Variants in ELFN1 observed in about 807,000 individuals in gnomAD.
ELFN1 encodes protein ELFN1.
In ELFN1, 6 loss-of-function variants were observed where a neutral mutation model predicts 7.6. The ratio of observed to expected loss-of-function variants is 0.79; its 90% CI spans 0.43 to 1.56. ELFN1 has a LOEUF of 1.56. ELFN1 is among the 40% of genes most tolerant of loss of function. ELFN1 has a pLI of 0.01. For synonymous variants in ELFN1, 657 were observed against 588.1 expected (o/e 1.12, Z -1.70); for missense variants, 1,169 against 1,232.2 (o/e 0.95, Z 0.77).
At chr7:1,691,938 G>T (rs952036571) in intron 2 of ELFN1, 5 of 152,290 alleles carry the variant, frequency 3.3e-5, no homozygotes, top group Admixed American at 1.3e-4. Flanking sequence ...GGCCGATTCT[G>T]CATTCCTGAC....
At chr7:1,729,431 G>A (rs1217064814) in intron 3 of ELFN1, among the ~76,000 whole-genome samples, 3 of 152,170 alleles carry the variant, frequency 2.0e-5, no homozygotes, top group African/African-American at 7.2e-5. Context: ...CCAGTGCCAT[G>A]GCCCTAGCCT....
Position 1,744,467 on chromosome 7 carries a change from G to T in ELFN1, c.-130G>T. 1 of 1,119,682 alleles carries T rather than the reference G, an allele frequency of 8.9e-7. No individual in the cohort carries two copies. The highest frequency in any genetic ancestry group is 1.2e-6 in the Non-Finnish European group (1 of 826,316). 69.4% of individuals were successfully genotyped at this position (1,119,682 alleles called of 1,614,324 possible). A position where few individuals can be genotyped will look rare whatever the true frequency, so the allele number is the denominator to read the frequency against. ...CTTACGTCGCGCGGCCATGCGGTTT[G>T]GGACAGGACACCCCTGAGAGTGCAG... On this transcript the variant is annotated 5_prime_UTR_variant, in exon 4 of 4. Transcript: ENST00000424383.
chr7:1,722,671 T>C (rs917228064), intron 3 of ELFN1, among the ~76,000 whole-genome samples: 2 of 152,194 alleles, frequency 1.3e-5, no homozygotes, highest in African/African-American at 4.8e-5. Context: ...AGCTTAGTTT[T>C]ATATGGCAGC....
At chr7:1,724,368 C>A (rs1002885054) in intron 3 of ELFN1, among the ~76,000 whole-genome samples, 1 of 152,140 alleles carries the variant, frequency 6.6e-6, no homozygotes, top group East Asian at 1.9e-4. Context: ...ACCGTGTTTA[C>A]CCTTGAACTT....
chr7:1,741,936 CCCTGTGTACACA>C (rs1452956099), intron 3 of ELFN1, among the ~76,000 whole-genome samples: 4 of 152,124 alleles, frequency 2.6e-5, no homozygotes, highest in African/African-American at 9.7e-5. Context: ...CAATCACCTG[CCCTGTGTACACA>C]CCTGTGCACA....
At chr7:1,713,512 G>T (rs1215536891) in intron 3 of ELFN1, among the ~76,000 whole-genome samples, 1 of 152,154 alleles carries the variant, frequency 6.6e-6, no homozygotes, top group African/African-American at 2.4e-5. Context: ...TTCAAGGCCT[G>T]GTCCCTAGAA....
chr7:1,742,186 T>G (rs1423401420), intron 3 of ELFN1: 1 of 152,350 alleles, frequency 6.6e-6, no homozygotes, highest in African/African-American at 2.4e-5. Flanking sequence ...GTGAGGGCTC[T>G]TAGGCCCTGT....
intron 2 of ELFN1, chr7:1,692,584 A>G (rs957734037): frequency 6.6e-6 from 1 of 152,382 alleles, no homozygotes; most frequent in Non-Finnish European, 1.5e-5. Context: ...AACATGGAAA[A>G]TTGCCTTCGT....
intron 3 of ELFN1, among the ~76,000 whole-genome samples, chr7:1,734,282 A>G (rs1467283412): frequency 6.6e-6 from 1 of 152,046 alleles, no homozygotes; most frequent in Non-Finnish European, 1.5e-5. Flanking sequence ...GGGGCCAGCC[A>G]GCTACCCGCA....
At chr7:1,674,482 G>C (rs1474585751) in intron 1 of ELFN1, among the ~76,000 whole-genome samples, 2 of 152,194 alleles carry the variant, frequency 1.3e-5, no homozygotes, top group Non-Finnish European at 2.9e-5. Flanking sequence ...CTGAGGAGGA[G>C]GGGTCTAGCT....
At chr7:1,743,187 C>T (rs1469737639) in intron 3 of ELFN1, among the ~76,000 whole-genome samples, 1 of 152,180 alleles carries the variant, frequency 6.6e-6, no homozygotes, top group Non-Finnish European at 1.5e-5. Flanking sequence ...GGGGCTTCCC[C>T]GCCTACAGCT....
At chr7:1,674,947 G>T (rs1372970961) in intron 1 of ELFN1, among the ~76,000 whole-genome samples, 1 of 136,664 alleles carries the variant, frequency 7.3e-6, no homozygotes, top group Non-Finnish European at 1.6e-5. Context: ...GGACACTGAG[G>T]CGCAGACAGG....
intron 3 of ELFN1, chr7:1,742,335 C>T (rs1167925568): frequency 2.0e-5 from 3 of 152,306 alleles, no homozygotes; most frequent in South Asian, 2.1e-4. Flanking sequence ...CGGGCACAGC[C>T]GGACGCCATC....
At chr7:1,694,044 A>T (rs1435230343) in intron 2 of ELFN1, 2 of 331,742 alleles carry the variant, frequency 6.0e-6, no homozygotes, top group Admixed American at 3.9e-5. Flanking sequence ...AGGGCCACAG[A>T]CTCAGCAGGG....
At chr7:1,677,220 G>A (rs1778888376) in intron 1 of ELFN1, among the ~76,000 whole-genome samples, 1 of 152,206 alleles carries the variant, frequency 6.6e-6, no homozygotes, top group Admixed American at 6.5e-5. Context: ...CCCTTTGACA[G>A]CCATTAGCAT....
At position 1,722,756 on chromosome 7, in the gene ELFN1, T is replaced by C. The variant is rs920674550; in HGVS notation, c.-294+13504T>C. Among the ~76,000 whole-genome samples, 10 of 152,210 alleles carry C rather than the reference T, an allele frequency of 6.6e-5. No individual in the cohort carries two copies. In the South Asian group the frequency reaches 1.3e-3, roughly 19 times the overall value. ...TCTCAAATATCTAAGAAATCCCTTA[T>C]AAATATTTTAAAGTTATAAAATATT... On this transcript the variant is annotated intron_variant, in intron 3 of 3. Coordinates refer to ENST00000424383, the MANE Select transcript of ELFN1 (RefSeq NM_001128636.4).
intron 2 of ELFN1, among the ~76,000 whole-genome samples, chr7:1,691,079 G>A (rs776404762): frequency 2.0e-5 from 3 of 152,170 alleles, no homozygotes; most frequent in Non-Finnish European, 2.9e-5. Flanking sequence ...AATGGCAAAT[G>A]GAGATAATGA....
intron 3 of ELFN1, among the ~76,000 whole-genome samples, chr7:1,710,620 G>A (rs1779629181): frequency 1.3e-5 from 2 of 152,216 alleles, no homozygotes; most frequent in Non-Finnish European, 2.9e-5. Flanking sequence ...GAGGCCCGGG[G>A]GGCCACATGG....
At chr7:1,734,271 C>A (rs536489640) in intron 3 of ELFN1, among the ~76,000 whole-genome samples, 1 of 152,102 alleles carries the variant, frequency 6.6e-6, no homozygotes, top group Non-Finnish European at 1.5e-5. Context: ...CCTCCTCTCC[C>A]GGGGCCAGCC....
Sources: allele counts gnomAD v4.1 joint callset (sites outside exome capture counted in the v4.1 genomes callset), GRCh38; gene constraint gnomAD v4.1.1; transcripts MANE v1.5; gene names NCBI Gene and HGNC (gene_info 2026-07-23, HGNC 2026-07-21).